Variants in PPP2R5A observed in about 807,000 individuals in gnomAD.
The protein encoded by PPP2R5A is serine/threonine-protein phosphatase 2A 56 kDa regulatory subunit alpha isoform.
A neutral mutation model predicts 64.2 loss-of-function variants in PPP2R5A; 25 were observed. The observed-to-expected ratio is 0.39, with a 90% CI of 0.28 to 0.54. The LOEUF is 0.54. PPP2R5A is among the 20% of genes least tolerant of loss of function. PPP2R5A has a pLI of 0.67. For missense variants in PPP2R5A, 425 were observed against 576.3 expected, an observed-to-expected ratio of 0.74 and a Z score of 2.69; for synonymous variants, 198 against 201.2, an observed-to-expected ratio of 0.98 and a Z score of 0.13.
Position 212,286,271 on chromosome 1 carries a change from A to G in PPP2R5A, c.161A>G (p.His54Arg). The G allele has an allele frequency of 6.5e-7, 1 of 1,531,582 alleles. No individual in the cohort carries two copies. 94.9% of individuals were successfully genotyped at this position (1,531,582 alleles called of 1,614,324 possible). Residue 54 changes from histidine to arginine, a missense_variant, in exon 1 of 13, where the codon CAC (histidine) becomes CGC (arginine). Transcript: ENST00000261461. ...FRSQGSQAELHPLPQLKDATS... is the reference protein window; with the variant it reads ...FRSQGSQAELRPLPQLKDATS... Reference sequence around the variant, plus strand: ...AGCCAGGGCAGCCAGGCAGAGCTGCACCCGCTGCCCCAGCTCAAAGGTAAC... The same window carrying G: ...AGCCAGGGCAGCCAGGCAGAGCTGCGCCCGCTGCCCCAGCTCAAAGGTAAC...
At position 212,361,035 on chromosome 1, in the gene PPP2R5A, T is replaced by A. The variant is rs10019; in HGVS notation, c.*265T>A. The A allele has an allele frequency of 0.32, 77,297 of 242,758 alleles. 13,062 individuals carry two copies. The highest frequency in any genetic ancestry group is 0.37 in the Non-Finnish European group (47,286 of 126,954). The allele number at this position is 242,758 out of a possible 1,614,324, so 15.0% of individuals were successfully genotyped here. On this transcript the variant is annotated 3_prime_UTR_variant, in exon 13 of 13. Transcript: ENST00000261461. ...TGAATGAATTTTATCATCTATGATA[T>A]GAGTGAGATAATTATGGGAGTGGTA...
At chr1:212,319,602 CTTTT>C (rs1307853509) in intron 1 of PPP2R5A, 3 of 143,354 alleles carry the variant, frequency 2.1e-5, no homozygotes, top group African/African-American at 8.0e-5. Flanking sequence ...ATTATGTGTT[CTTTT>C]TGTTTTCTTT....
intron 1 of PPP2R5A, 116 bp downstream of exon 1, chr1:212,286,407 G>GT (rs1402616938): frequency 8.6e-7 from 1 of 1,161,250 alleles, no homozygotes; most frequent in Non-Finnish European, 1.1e-6. Context: ...CTGGTAGTGT[G>GT]TGAGCCGAGT....
intron 1 of PPP2R5A, chr1:212,313,917 C>T (rs1659094643): frequency 6.6e-6 from 1 of 152,278 alleles, no homozygotes; most frequent in South Asian, 2.1e-4. Context: ...AATGGTTCCA[C>T]CAAAATACCC....
At chr1:212,300,211 G>A (rs577622422) in intron 1 of PPP2R5A, among the ~76,000 whole-genome samples, 1 of 152,202 alleles carries the variant, frequency 6.6e-6, no homozygotes, top group Admixed American at 6.5e-5. Flanking sequence ...TACTTCATCT[G>A]TTTTGATAAT....
chr1:212,342,797 TAAA>T (rs1256835553), intron 4 of PPP2R5A, among the ~76,000 whole-genome samples: 2 of 152,082 alleles, frequency 1.3e-5, no homozygotes, highest in Non-Finnish European at 2.9e-5. Flanking sequence ...AAACCACAGA[TAAA>T]GTGGAATCAT....
chr1:212,353,426 T>TAA (rs1299006544), intron 8 of PPP2R5A, among the ~76,000 whole-genome samples: 1 of 152,196 alleles, frequency 6.6e-6, no homozygotes, highest in African/African-American at 2.4e-5. Flanking sequence ...TGAGGACAGT[T>TAA]AACAAGCTCA....
intron 1 of PPP2R5A, chr1:212,309,243 GT>G (rs1658980259): frequency 6.7e-7 from 1 of 1,482,234 alleles, no homozygotes; most frequent in Admixed American, 1.7e-5. Flanking sequence ...GTGTATTGTT[GT>G]CTTCTATCTT....
At chr1:212,290,034 G>T (rs1658572493) in intron 1 of PPP2R5A, among the ~76,000 whole-genome samples, 2 of 152,162 alleles carry the variant, frequency 1.3e-5, no homozygotes, top group African/African-American at 2.4e-5. Flanking sequence ...AGACAGCCGG[G>T]AAATAAATAG....
intron 1 of PPP2R5A, chr1:212,302,173 G>A: frequency 1.7e-5 from 22 of 1,308,698 alleles, no homozygotes; most frequent in Non-Finnish European, 2.3e-5. Context: ...GATTTTCTGG[G>A]AAGATGCATT....
intron 1 of PPP2R5A, chr1:212,313,829 T>A (rs983268935): frequency 5.3e-5 from 8 of 152,198 alleles, no homozygotes; most frequent in African/African-American, 4.8e-5. Flanking sequence ...AAGATGACTC[T>A]TCCCTTCTTC....
At chr1:212,352,048 C>T (rs984617845) in intron 8 of PPP2R5A, among the ~76,000 whole-genome samples, 24 of 150,900 alleles carry the variant, frequency 1.6e-4, no homozygotes, top group African/African-American at 3.9e-4. Context: ...GAGACAGAGA[C>T]TCACTCTGTT....
chr1:212,316,587 C>CTTTTTTTTTTTTTTTTTTTTTTTTTTT (rs751228809), intron 1 of PPP2R5A, among the ~76,000 whole-genome samples: 1 of 36,670 alleles, frequency 2.7e-5, no homozygotes, highest in Non-Finnish European at 5.4e-5. Context: ...TTGTGGGTGA[C>CTTTTTTTTTTTTTTTTTTTTTTTTTTT]TTTTTTTTTT....
intron 8 of PPP2R5A, among the ~76,000 whole-genome samples, chr1:212,355,841 G>C (rs1659968043): frequency 6.6e-6 from 1 of 151,836 alleles, no homozygotes; most frequent in Non-Finnish European, 1.5e-5. Flanking sequence ...GCCGAGGCTG[G>C]TGGATCACAA....
intron 1 of PPP2R5A, among the ~76,000 whole-genome samples, chr1:212,318,511 A>C (rs1322325888): frequency 1.3e-5 from 2 of 152,230 alleles, no homozygotes; most frequent in African/African-American, 4.8e-5. Context: ...ACATATATTA[A>C]GTGCATAGTC....
chr1:212,341,727 GTTTGTTTA>G (rs1289745293), intron 3 of PPP2R5A, among the ~76,000 whole-genome samples: 1 of 151,516 alleles, frequency 6.6e-6, no homozygotes, highest in African/African-American at 2.4e-5. Context: ...TTCTAGGTTT[GTTTGTTTA>G]TTTATTTATT....
intron 4 of PPP2R5A, among the ~76,000 whole-genome samples, chr1:212,343,034 G>A (rs971815802): frequency 1.3e-5 from 2 of 151,636 alleles, no homozygotes; most frequent in African/African-American, 2.4e-5. Flanking sequence ...TTCATCCTCC[G>A]CCTCCTGGGT....
At chr1:212,309,042 C>G (rs1296027573) in intron 1 of PPP2R5A, 1 of 764,688 alleles carries the variant, frequency 1.3e-6, no homozygotes, top group African/African-American at 1.7e-5. Flanking sequence ...GCCAGCTAGA[C>G]TCAGTTTAGA....
chr1:212,356,837 G>A, intron 9 of PPP2R5A, 113 bp from the exon 10 acceptor site: 1 of 1,277,380 alleles, frequency 7.8e-7, no homozygotes. Flanking sequence ...CTGCCATCCA[G>A]ACATTTTTTT....
Sources: gnomAD v4.1 joint callset for allele counts (sites outside exome capture counted in the v4.1 genomes callset) on GRCh38, gnomAD v4.1.1 for gene constraint, MANE v1.5 for transcripts, NCBI Gene and HGNC (gene_info 2026-07-23, HGNC 2026-07-21) for gene names.